The following ADAM22 variants were observed in gnomAD, a reference collection of about 807,000 sequenced individuals.
The protein encoded by ADAM22 is disintegrin and metalloproteinase domain-containing protein 22.
A neutral mutation model predicts 144.6 loss-of-function variants in ADAM22; 65 were observed. The observed-to-expected ratio is 0.45, with a 90% CI of 0.37 to 0.55. The LOEUF is 0.55. Ranked by LOEUF, ADAM22 falls within the 20% of genes least tolerant of loss-of-function variation. The pLI is 0.00. For synonymous variants in ADAM22, 391 were observed against 412.6 expected, an observed-to-expected ratio of 0.95 and a Z score of 0.63; for missense variants, 974 against 1,184.9, an observed-to-expected ratio of 0.82 and a Z score of 2.61.
intron 29 of ADAM22, among the ~76,000 whole-genome samples, chr7:88,182,444 A>G (rs1847303943): frequency 6.6e-6 from 1 of 152,224 alleles, no homozygotes; most frequent in African/African-American, 2.4e-5. Flanking sequence ...GATACTGCTC[A>G]TGATCTAAAA....
chr7:87,967,998 G>A (rs1849563570), intron 2 of ADAM22, among the ~76,000 whole-genome samples: 1 of 151,464 alleles, frequency 6.6e-6, no homozygotes, highest in African/African-American at 2.4e-5. Flanking sequence ...TTATTATTTT[G>A]GTTGAACTCA....
In ADAM22 at chr7:88,115,242, A is replaced by C. The variant is rs185201644; in HGVS notation, c.537+595A>C. The stretch of plus-strand genomic sequence containing the variant: ...AAAACAAACAAACAAACAAACAAAA[A>C]ATTTCTTTTGTTTCTTTCTCTTTTA... On this transcript the variant is annotated intron_variant, in intron 6 of 31. Transcript: ENST00000413139. Among the ~76,000 whole-genome samples, 1,085 of 152,164 alleles carry C rather than the reference A, an allele frequency of 7.1e-3. 3 individuals are homozygous for C. The highest frequency in any genetic ancestry group is 0.019 in the Admixed American group (285 of 15,296).
chr7:88,157,873 A>G (rs1002412963), intron 22 of ADAM22, among the ~76,000 whole-genome samples: 1 of 152,154 alleles, frequency 6.6e-6, no homozygotes, highest in Admixed American at 6.6e-5. Flanking sequence ...AACTATATGC[A>G]TATGTAATTT....
chr7:88,125,228 A>C (rs546455426), intron 7 of ADAM22, among the ~76,000 whole-genome samples: 13 of 152,104 alleles, frequency 8.5e-5, no homozygotes, highest in Non-Finnish European at 1.6e-4. Context: ...TATTTATTCT[A>C]CTTCTCATTG....
chr7:87,979,083 G>T (rs1489305187), intron 3 of ADAM22, among the ~76,000 whole-genome samples: 1 of 152,124 alleles, frequency 6.6e-6, no homozygotes, highest in Admixed American at 6.6e-5. Context: ...ATGGGCAAGT[G>T]GGCAGAGACC....
Position 88,163,144 on chromosome 7 carries a change from G to T in ADAM22, c.2040G>T (p.Leu680Phe). The T allele has an allele frequency of 6.2e-7, 1 of 1,610,644 alleles. No individual in the cohort carries two copies. Among genetic ancestry groups the T allele is most frequent in the South Asian group, 1.1e-5 (1 of 90,454 alleles). ...PVASFNFSTC[L>F]SSKEGTICSG... is the part of the protein sequence containing the mutation. ...CTTCTTTCAACTTTAGTACTTGCTT[G>T]AGCAGTAAAGAAGGCACTATTTGCT... is the stretch of plus-strand genomic sequence containing the variant. The change falls in exon 23 of 32, where the codon TTG (leucine) becomes TTT (phenylalanine). Residue 680 changes from leucine (L) to phenylalanine (F), a missense_variant. This residue lies in a region of ADAM22 where 734 missense variants were observed against 950.6 expected (regional missense o/e 0.77). Transcript: ENST00000413139.
chr7:88,175,571 A>G (rs1002423447), intron 26 of ADAM22, among the ~76,000 whole-genome samples: 2 of 152,182 alleles, frequency 1.3e-5, no homozygotes, highest in Non-Finnish European at 2.9e-5. Context: ...TATTTTGGCT[A>G]TTGTTCACTA....
intron 4 of ADAM22, among the ~76,000 whole-genome samples, chr7:88,090,419 T>C (rs1819558333): frequency 6.6e-6 from 1 of 152,182 alleles, no homozygotes; most frequent in Non-Finnish European, 1.5e-5. Flanking sequence ...AATACACAGA[T>C]TTTAAAATTA....
chr7:88,118,956 G>C (rs545883135), intron 7 of ADAM22, among the ~76,000 whole-genome samples: 2 of 152,256 alleles, frequency 1.3e-5, no homozygotes, highest in South Asian at 4.1e-4. Flanking sequence ...AGTTTCAAAA[G>C]TAAGTTTAAT....
At chr7:88,040,468 A>G (rs1243606939) in intron 3 of ADAM22, among the ~76,000 whole-genome samples, 1 of 151,918 alleles carries the variant, frequency 6.6e-6, no homozygotes, top group African/African-American at 2.4e-5. Flanking sequence ...CTTACTCCCC[A>G]TCACCATCAG....
chr7:88,178,480 C>T (rs1846230270), intron 26 of ADAM22, among the ~76,000 whole-genome samples: 1 of 152,050 alleles, frequency 6.6e-6, no homozygotes, highest in African/African-American at 2.4e-5. Context: ...TCAATCAGTT[C>T]TTTTCAGACC....
Position 87,942,411 on chromosome 7 carries a change from G to A in ADAM22, c.246+7225G>A, listed in dbSNP as rs774674758. On this transcript the variant is annotated intron_variant, in intron 2 of 31. Transcript: ENST00000413139. ...AAAGCTGATAGGGGATTTGAACCTA[G>A]GCACTTCAGCTCCACCGCACTGCCT... 9.9e-5 allele frequency among the ~76,000 whole-genome samples: 15 copies of A among 152,052 alleles called. No homozygotes were observed. In the South Asian group the frequency reaches 1.0e-3, roughly 10 times the overall value.
intron 22 of ADAM22, 26 bp downstream of exon 22, chr7:88,156,032 A>C (rs755278144): frequency 4.3e-6 from 7 of 1,609,426 alleles, no homozygotes; most frequent in Non-Finnish European, 5.9e-6. Context: ...TTCTGTAAGA[A>C]TCTGAGTCAT....
chr7:88,024,112 C>T (rs749512292), intron 3 of ADAM22, among the ~76,000 whole-genome samples: 8 of 152,094 alleles, frequency 5.3e-5, no homozygotes, highest in Non-Finnish European at 1.0e-4. Context: ...ACTTAGATTG[C>T]TTCCAAATCT....
At position 87,938,268 on chromosome 7, in the gene ADAM22, G is replaced by C. The variant is rs139161388; in HGVS notation, c.246+3082G>C. Among the ~76,000 whole-genome samples the C allele has an allele frequency of 6.7e-3, 913 of 136,590 alleles. 12 individuals carry two copies. The highest frequency in any genetic ancestry group is 0.025 in the African/African-American group (863 of 34,558). The allele number at this position is 136,590 out of a possible 152,430, so 89.6% of individuals were successfully genotyped here. A position where few individuals can be genotyped will look rare whatever the true frequency, so the allele number is the denominator to read the frequency against. ...GAGTCTTGCTCTGTCACCCAGGCTG[G>C]AGTGCAATGGCGTGATCTCAGCTTA... On this transcript the variant is annotated intron_variant, in intron 2 of 31. Coordinates refer to ENST00000413139, the MANE Select transcript of ADAM22 (RefSeq NM_001324418.2).
intron 4 of ADAM22, among the ~76,000 whole-genome samples, chr7:88,106,118 G>A (rs1449078745): frequency 1.3e-5 from 2 of 152,134 alleles, no homozygotes; most frequent in African/African-American, 4.8e-5. Context: ...CATGAAGTCA[G>A]TGCCCCATGT....
intron 7 of ADAM22, 30 bp from the exon 8 acceptor site, chr7:88,125,559 T>A (rs539465412): frequency 1.3e-6 from 2 of 1,524,090 alleles, no homozygotes; most frequent in African/African-American, 2.8e-5. Context: ...ACAAATGCAC[T>A]AAGTTAAATT....
At chr7:88,149,546 T>C (rs1289347835) in intron 18 of ADAM22, among the ~76,000 whole-genome samples, 1 of 152,180 alleles carries the variant, frequency 6.6e-6, no homozygotes, top group Non-Finnish European at 1.5e-5. Context: ...AGAAATTGAA[T>C]AAACTTTGGT....
chr7:88,097,052 C>G (rs1008496636), intron 4 of ADAM22, among the ~76,000 whole-genome samples: 2 of 151,698 alleles, frequency 1.3e-5, no homozygotes, highest in African/African-American at 4.8e-5. Flanking sequence ...CCACTGAATG[C>G]TAGTATTAAC....
Sources: gnomAD v4.1 joint callset for allele counts (sites outside exome capture counted in the v4.1 genomes callset) on GRCh38, gnomAD v4.1.1 for gene constraint, gnomAD v4.1.1 regional missense constraint, MANE v1.5 for transcripts, NCBI Gene and HGNC (gene_info 2026-07-23, HGNC 2026-07-21) for gene names.